PCDH15: variants seen among roughly 807,000 people sequenced by gnomAD.
PCDH15 encodes protocadherin related 15, also known as protocadherin-15.
A neutral mutation model predicts 178.5 loss-of-function variants in PCDH15; 129 were observed. The ratio of observed to expected loss-of-function variants is 0.72; its 90% CI spans 0.63 to 0.84. The LOEUF is 0.84. Among genes scored for constraint, PCDH15 ranks in the 40% least tolerant of loss-of-function variants. PCDH15 has a pLI of 0.00. For synonymous variants in PCDH15, 800 were observed against 732.0 expected (o/e 1.09, Z -1.50); for missense variants, 2,230 against 2,099.9 (o/e 1.06, Z -1.21).
At chr10:54,188,194 T>G (rs10825264) in intron 11 of PCDH15, among the ~76,000 whole-genome samples, 32,140 of 151,796 alleles carry the variant, frequency 0.21, 4,765 homozygotes, top group East Asian at 0.85. Flanking sequence ...AAATTCCTTC[T>G]TGTCAAGCTG....
At chr10:55,242,565 A>G (rs1281751292) in intron 1 of PCDH15, among the ~76,000 whole-genome samples, 4 of 152,158 alleles carry the variant, frequency 2.6e-5, no homozygotes, top group Non-Finnish European at 4.4e-5. Flanking sequence ...TCGGCCAGGA[A>G]CAGTGGCTCA....
intron 15 of PCDH15, among the ~76,000 whole-genome samples, chr10:54,116,964 A>T (rs2095124532): frequency 1.3e-5 from 2 of 152,114 alleles, no homozygotes; most frequent in South Asian, 4.1e-4. Flanking sequence ...AGAAATGAGG[A>T]GTGCTTATTT....
chr10:55,107,221 T>C (rs940520001), intron 2 of PCDH15, among the ~76,000 whole-genome samples: 2 of 152,188 alleles, frequency 1.3e-5, no homozygotes, highest in African/African-American at 2.4e-5. Context: ...CCTTAGTTGT[T>C]AATTAAACCC....
intron 2 of PCDH15, among the ~76,000 whole-genome samples, chr10:55,083,739 T>C (rs929309395): frequency 6.6e-6 from 1 of 151,812 alleles, no homozygotes; most frequent in African/African-American, 2.4e-5. Context: ...ACAAAATTAA[T>C]ACAATGAAAT....
At chr10:54,326,485 A>G (rs571190378) in intron 7 of PCDH15, among the ~76,000 whole-genome samples, 1 of 152,178 alleles carries the variant, frequency 6.6e-6, no homozygotes, top group Non-Finnish European at 1.5e-5. Context: ...GATTTATATA[A>G]TACTGTAATA....
chr10:55,567,280 C>A (rs1202545966), intron 2 of PCDH15, among the ~76,000 whole-genome samples: 1 of 151,746 alleles, frequency 6.6e-6, no homozygotes, highest in African/African-American at 2.4e-5. Flanking sequence ...AAAATTTAGT[C>A]AAAATGGATC....
chr10:54,915,310 T>C (rs1259959441), intron 2 of PCDH15, among the ~76,000 whole-genome samples: 1 of 152,182 alleles, frequency 6.6e-6, no homozygotes, highest in African/African-American at 2.4e-5. Flanking sequence ...CTTCATTTTT[T>C]AGTCAAGATA....
chr10:54,380,666 TATATGCTCC>T (rs1434141547), intron 3 of PCDH15, among the ~76,000 whole-genome samples: 60 of 66,522 alleles, frequency 9.0e-4, no homozygotes, highest in Admixed American at 1.2e-3. Context: ...TATATATATA[TATATGCTCC>T]ATATATATAT....
At chr10:55,029,576 G>A (rs1265236872) in intron 2 of PCDH15, among the ~76,000 whole-genome samples, 1 of 151,904 alleles carries the variant, frequency 6.6e-6, no homozygotes, top group African/African-American at 2.4e-5. Flanking sequence ...GAATATTAGG[G>A]GAGAAAATCA....
intron 3 of PCDH15, among the ~76,000 whole-genome samples, chr10:54,454,405 T>C (rs1266222714): frequency 6.8e-6 from 1 of 147,790 alleles, no homozygotes; most frequent in East Asian, 2.0e-4. Flanking sequence ...AGTATTCAAC[T>C]GATGTTTAAT....
At chr10:54,770,038 C>T (rs116543300) in intron 1 of PCDH15, among the ~76,000 whole-genome samples, 3,008 of 152,128 alleles carry the variant, frequency 0.02, 97 homozygotes, top group African/African-American at 0.067. Flanking sequence ...TCATCCTGAA[C>T]GCATTTTAAC....
chr10:55,240,003 G>C (rs938940162), intron 1 of PCDH15, among the ~76,000 whole-genome samples: 1 of 152,040 alleles, frequency 6.6e-6, no homozygotes, highest in Non-Finnish European at 1.5e-5. Flanking sequence ...CCTCACCCTA[G>C]TAAAAATAGC....
chr10:54,443,609 G>C (rs1046866771), intron 3 of PCDH15, among the ~76,000 whole-genome samples: 12 of 151,658 alleles, frequency 7.9e-5, no homozygotes, highest in African/African-American at 2.9e-4. Context: ...ACATCCATCT[G>C]TCGGACTGAC....
intron 1 of PCDH15, among the ~76,000 whole-genome samples, chr10:55,193,686 T>C (rs1840003321): frequency 6.6e-6 from 1 of 152,012 alleles, no homozygotes; most frequent in South Asian, 2.1e-4. Flanking sequence ...TTTCAACTTA[T>C]GTGTGTTTTT....
At chr10:54,715,478 A>G (rs1268034411) in intron 1 of PCDH15, among the ~76,000 whole-genome samples, 2 of 152,166 alleles carry the variant, frequency 1.3e-5, no homozygotes, top group Non-Finnish European at 2.9e-5. Flanking sequence ...TTAATTCACG[A>G]AGGAAAGTGG....
chr10:55,334,286 ATG>A (rs1276272512), intron 2 of PCDH15, among the ~76,000 whole-genome samples: 1 of 73,040 alleles, frequency 1.4e-5, no homozygotes, highest in African/African-American at 6.8e-5. Context: ...GTGTGTGTGT[ATG>A]TGTATATATC....
chr10:55,441,702 C>T (rs546132943), intron 2 of PCDH15, among the ~76,000 whole-genome samples: 1 of 152,116 alleles, frequency 6.6e-6, no homozygotes, highest in African/African-American at 2.4e-5. Flanking sequence ...AACAATGATA[C>T]CTGTGATAGA....
At chr10:54,043,826 A>G (rs1445364210) in intron 18 of PCDH15, among the ~76,000 whole-genome samples, 1 of 152,120 alleles carries the variant, frequency 6.6e-6, no homozygotes, top group Non-Finnish European at 1.5e-5. Flanking sequence ...TGGAACTTCT[A>G]GACTGAAAAC....
chr10:54,099,729 T>G (rs1441362789), intron 15 of PCDH15, among the ~76,000 whole-genome samples: 6 of 151,844 alleles, frequency 4.0e-5, no homozygotes, highest in Non-Finnish European at 8.8e-5. Context: ...ATATATGTAC[T>G]GCTAGAAATG....
Sources: allele counts gnomAD v4.1 joint callset (sites outside exome capture counted in the v4.1 genomes callset), GRCh38; gene constraint gnomAD v4.1.1; transcripts MANE v1.5; gene names NCBI Gene and HGNC (gene_info 2026-07-23, HGNC 2026-07-21).